ELAVL2: variants seen among roughly 807,000 people sequenced by gnomAD.
The protein encoded by ELAVL2 is ELAV like RNA binding protein 2, also known as ELAV-like protein 2.
A neutral mutation model predicts 34.6 loss-of-function variants in ELAVL2; 4 were observed. The observed-to-expected ratio is 0.12, with a 90% CI of 0.06 to 0.26. The LOEUF (loss-of-function observed/expected upper bound fraction) is 0.26, where lower values mean the gene tolerates loss of function less well. Ranked by LOEUF, ELAVL2 falls within the 10% of genes least tolerant of loss-of-function variation. The pLI is 1.00. For synonymous variants in ELAVL2, 193 were observed against 154.8 expected, an observed-to-expected ratio of 1.25 and a Z score of -1.83; for missense variants, 432 against 442.8, an observed-to-expected ratio of 0.98 and a Z score of 0.22.
At chr9:23,818,505 T>C (rs2064049596) in intron 1 of ELAVL2, among the ~76,000 whole-genome samples, 1 of 152,200 alleles carries the variant, frequency 6.6e-6, no homozygotes, top group Non-Finnish European at 1.5e-5. Flanking sequence ...CACTCAAATG[T>C]GGTAGCTTAC....
intron 2 of ELAVL2, among the ~76,000 whole-genome samples, chr9:23,745,047 T>C (rs1208440434): frequency 2.0e-5 from 3 of 151,812 alleles, no homozygotes; most frequent in Non-Finnish European, 4.4e-5. Flanking sequence ...CTCTACAAAA[T>C]ATATAAATTA....
chr9:23,693,009 T>C (rs777058437), intron 6 of ELAVL2, 125 bp from the exon 7 acceptor site: 20 of 850,582 alleles, frequency 2.4e-5, no homozygotes, highest in African/African-American at 1.7e-4. Context: ...CCAACAAATA[T>C]ATAAACTATT....
chr9:23,768,293 C>G (rs1398580733), intron 1 of ELAVL2, among the ~76,000 whole-genome samples: 1 of 152,136 alleles, frequency 6.6e-6, no homozygotes, highest in Non-Finnish European at 1.5e-5. Context: ...GTCCCATCTC[C>G]CTTATTCAAG....
At chr9:23,738,625 A>T (rs2048437303) in intron 2 of ELAVL2, among the ~76,000 whole-genome samples, 2 of 152,162 alleles carry the variant, frequency 1.3e-5, no homozygotes, top group South Asian at 4.1e-4. Context: ...CTTCCACCCA[A>T]ATGCTAATAA....
intron 1 of ELAVL2, among the ~76,000 whole-genome samples, chr9:23,789,145 T>C (rs34303831): frequency 0.17 from 25,861 of 152,074 alleles, 2,685 homozygotes; most frequent in East Asian, 0.34. Context: ...AAATGGGGAA[T>C]AGAAGTTTGG....
chr9:23,835,864 A>G, the ELAVL2 span, among the ~76,000 whole-genome samples: 1 of 152,160 alleles, frequency 6.6e-6, no homozygotes, highest in African/African-American at 2.4e-5. Flanking sequence ...AACAGACTTA[A>G]TGTTTTTATT....
At position 23,691,559 on chromosome 9, in the gene ELAVL2, T is replaced by C. The variant is rs954723944; in HGVS notation, c.*998A>G. ...GGTAATTTAAATTTCTTGCCTGCTC[T>C]TATATATTCTTTTGTAAATTTTTTT... On this transcript the variant is annotated 3_prime_UTR_variant, in exon 7 of 7. Transcript: ENST00000397312. 6.6e-6 allele frequency: 1 copy of C among 152,570 alleles called. No individual in the cohort carries two copies. The highest frequency in any genetic ancestry group is 1.5e-5 in the Non-Finnish European group (1 of 68,014). 9.5% of individuals were successfully genotyped at this position (152,570 alleles called of 1,614,324 possible). A position where few individuals can be genotyped will look rare whatever the true frequency, so the allele number is the denominator to read the frequency against.
intron 1 of ELAVL2, chr9:23,765,208 G>A (rs2055958838): frequency 1.4e-5 from 13 of 947,484 alleles, no homozygotes; most frequent in Non-Finnish European, 2.0e-5. Context: ...GCACGTCCAT[G>A]CAGTGTGGCT....
At chr9:23,787,017 G>C (rs1322890010) in intron 1 of ELAVL2, among the ~76,000 whole-genome samples, 2 of 152,082 alleles carry the variant, frequency 1.3e-5, no homozygotes, top group African/African-American at 4.8e-5. Context: ...GAGGAACTTG[G>C]ACCTGTAAAT....
At chr9:23,758,444 T>C (rs1439904919) in intron 2 of ELAVL2, among the ~76,000 whole-genome samples, 1 of 152,134 alleles carries the variant, frequency 6.6e-6, no homozygotes, top group Non-Finnish European at 1.5e-5. Flanking sequence ...GAGATCCTTC[T>C]AAAAGCCATT....
chr9:23,703,204 G>C (rs569954151), intron 4 of ELAVL2, among the ~76,000 whole-genome samples: 28 of 152,300 alleles, frequency 1.8e-4, no homozygotes, highest in African/African-American at 6.3e-4. Flanking sequence ...TGATGGACTA[G>C]CAGGTAAAAG....
chr9:23,805,986 A>G (rs898976247), intron 1 of ELAVL2, among the ~76,000 whole-genome samples: 1 of 152,160 alleles, frequency 6.6e-6, no homozygotes, highest in Non-Finnish European at 1.5e-5. Context: ...GTCCAAGTAA[A>G]TTAAACTCAC....
intron 1 of ELAVL2, among the ~76,000 whole-genome samples, chr9:23,790,219 G>A (rs1588536337): frequency 6.6e-6 from 1 of 152,106 alleles, no homozygotes; most frequent in East Asian, 1.9e-4. Flanking sequence ...AGAGAGAGAT[G>A]AGACAGAAAA....
At chr9:23,792,931 C>T (rs2060495086) in intron 1 of ELAVL2, among the ~76,000 whole-genome samples, 1 of 151,952 alleles carries the variant, frequency 6.6e-6, no homozygotes, top group Non-Finnish European at 1.5e-5. Flanking sequence ...TCACCACACC[C>T]AGTTATTTTT....
At chr9:23,841,055 C>A in the ELAVL2 span, among the ~76,000 whole-genome samples, 5 of 152,148 alleles carry the variant, frequency 3.3e-5, no homozygotes, top group African/African-American at 1.2e-4. Context: ...TCAGGACTCT[C>A]CTTAATATCT....
intron 1 of ELAVL2, among the ~76,000 whole-genome samples, chr9:23,815,106 G>C (rs778713492): frequency 7.9e-5 from 12 of 152,096 alleles, no homozygotes; most frequent in Non-Finnish European, 1.5e-4. Context: ...TGATGTATAG[G>C]AATGGATCCT....
At chr9:23,794,304 T>C (rs1170190547) in intron 1 of ELAVL2, among the ~76,000 whole-genome samples, 1 of 152,144 alleles carries the variant, frequency 6.6e-6, no homozygotes, top group East Asian at 1.9e-4. Context: ...GACACTTTCC[T>C]AGAACACTGA....
chr9:23,754,511 T>C (rs2053041937), intron 2 of ELAVL2, among the ~76,000 whole-genome samples: 1 of 152,012 alleles, frequency 6.6e-6, no homozygotes, highest in Non-Finnish European at 1.5e-5. Flanking sequence ...GAAATGCAAG[T>C]GCGGTGGCAC....
intron 3 of ELAVL2, among the ~76,000 whole-genome samples, chr9:23,713,242 A>G (rs2041462056): frequency 6.6e-6 from 1 of 152,220 alleles, no homozygotes; most frequent in Admixed American, 6.5e-5. Flanking sequence ...TATTCTTGAA[A>G]TGCAACTTAG....
Sources: gnomAD v4.1 joint callset for allele counts (sites outside exome capture counted in the v4.1 genomes callset) on GRCh38, gnomAD v4.1.1 for gene constraint, MANE v1.5 for transcripts, NCBI Gene and HGNC (gene_info 2026-07-23, HGNC 2026-07-21) for gene names.